Variants in BAHCC1 observed in about 807,000 individuals in gnomAD.
BAHCC1 encodes the protein BAH and coiled-coil domain-containing protein 1.
A neutral mutation model predicts 88.2 loss-of-function variants in BAHCC1; 43 were observed. The observed-to-expected ratio is 0.49, with a 90% confidence interval of 0.38 to 0.63. BAHCC1 has a LOEUF of 0.63. Among genes scored for constraint, BAHCC1 ranks in the 20% least tolerant of loss-of-function variants. The pLI, the probability that BAHCC1 is intolerant of heterozygous loss-of-function variation, is 0.00. For missense variants in BAHCC1, 3,023 were observed against 1,654.8 expected (o/e 1.83, Z -14.34); for synonymous variants, 1,510 against 745.5 (o/e 2.03, Z -16.71).
chr17:81,399,258 C>T lies in BAHCC1; in HGVS notation c.-206-276C>T, dbSNP rs782172817. The T allele has an allele frequency of 1.5e-5, 6 of 394,078 alleles. No homozygotes were observed. The highest frequency in any genetic ancestry group is 1.0e-4 in the South Asian group (6 of 58,222). The allele number at this position is 394,078 out of a possible 1,614,324, so 24.4% of individuals were successfully genotyped here. A position where few individuals can be genotyped will look rare whatever the true frequency, so the allele number is the denominator to read the frequency against. ...CTGCAGGGACCCGCGGGGACGAGAA[C>T]GGGAGGCGGCGAGCAGTGCGGCTGG... On this transcript the variant is annotated intron_variant, in intron 1 of 27. Coordinates refer to ENST00000675386, the MANE Select transcript of BAHCC1 (RefSeq NM_001377448.1). This position sits in a 1 kb window ranked among gnomAD's most constrained non-coding sequence, Gnocchi z 4.5.
rs781841606 is a variant in BAHCC1, at chr17:81,452,759, G to A, written c.4353G>A (p.Gly1451=). The change falls in exon 14 of 28, where the codon GGG becomes GGA. Residue 1451 remains glycine (G), a synonymous_variant. Transcript: ENST00000675386. ...GTTCACGGAGCCCTGCACGGCGGGGGCCTGGCCGGCCGAGGAAGCGCAAAC... is the reference window on the plus strand; with the variant it reads ...GTTCACGGAGCCCTGCACGGCGGGGACCTGGCCGGCCGAGGAAGCGCAAAC... ...DESSRSPARR[G]PGRPRKRKHS... 10 of 746,420 alleles carry A rather than the reference G, an allele frequency of 1.3e-5. No homozygotes were observed. The highest frequency in any genetic ancestry group is 1.4e-5 in the South Asian group (1 of 70,590). 46.2% of individuals were successfully genotyped at this position (746,420 alleles called of 1,614,324 possible).
intron 3 of BAHCC1, among the ~76,000 whole-genome samples, chr17:81,427,791 C>T (rs2064217600): frequency 1.3e-5 from 2 of 152,220 alleles, no homozygotes; most frequent in African/African-American, 4.8e-5. Flanking sequence ...ACAGGGCTCT[C>T]CGCTCCTGGC....
intron 3 of BAHCC1, among the ~76,000 whole-genome samples, chr17:81,432,144 C>T (rs891831431): frequency 3.6e-4 from 55 of 152,310 alleles, no homozygotes; most frequent in African/African-American, 1.3e-3. Flanking sequence ...AGCAACTTCC[C>T]TCCCGTGTCC....
At chr17:81,410,642 C>T (rs1049962362) in intron 2 of BAHCC1, among the ~76,000 whole-genome samples, 2 of 152,210 alleles carry the variant, frequency 1.3e-5, no homozygotes, top group Admixed American at 6.5e-5. Flanking sequence ...GCAGTGCAGA[C>T]GCTCTGGACC....
Position 81,411,091 on chromosome 17 carries a change from G to A in BAHCC1, c.178+11174G>A, listed in dbSNP as rs781889907. ...GAGGGGTCCCTCTCTCTGGGGTCAC[G>A]CTCCCTTGTTCTCAGTCCCGCAGCC... On this transcript the variant is annotated intron_variant, in intron 2 of 27. Coordinates refer to ENST00000675386, the MANE Select transcript of BAHCC1 (RefSeq NM_001377448.1). The surrounding 1 kb of genome is among the most constrained non-coding windows in gnomAD (Gnocchi z 6.2). 7.7e-6 allele frequency: 4 copies of A among 519,232 alleles called. No homozygotes were observed. Among genetic ancestry groups the A allele is most frequent in the African/African-American group, 3.9e-5 (2 of 51,906 alleles). The allele number at this position is 519,232 out of a possible 1,614,324, so 32.2% of individuals were successfully genotyped here. A position where few individuals can be genotyped will look rare whatever the true frequency, so the allele number is the denominator to read the frequency against.
At chr17:81,433,093 T>C (rs1172865604) in intron 3 of BAHCC1, among the ~76,000 whole-genome samples, 1 of 150,762 alleles carries the variant, frequency 6.6e-6, no homozygotes, top group Admixed American at 6.6e-5. Context: ...GAGGCAGCTG[T>C]GGGTCACCAC....
At position 81,461,650 on chromosome 17, in the gene BAHCC1, A is replaced by G; in HGVS notation, c.6987A>G (p.Ser2329=). ...CTGGCTCGTCCACCTCCTCCTCCTC[A>G]GGCTCCGTGTCCACCTCCAGCCTCT... ...SSSGSSTSSS[S]GSVSTSSLCS... is the part of the protein sequence containing the mutation. Residue 2329 remains serine (S), a synonymous_variant, in exon 26 of 28, where the codon TCA becomes TCG. Coordinates refer to ENST00000675386, the MANE Select transcript of BAHCC1 (RefSeq NM_001377448.1). The G allele has an allele frequency of 1.4e-6, 1 of 735,384 alleles. No homozygotes were observed. 45.6% of individuals were successfully genotyped at this position (735,384 alleles called of 1,614,324 possible).
intron 10 of BAHCC1, among the ~76,000 whole-genome samples, chr17:81,446,098 G>C (rs1555654262): frequency 6.6e-6 from 1 of 151,876 alleles, no homozygotes; most frequent in Non-Finnish European, 1.5e-5. Context: ...GGGTGGGGGG[G>C]TCTCGGGCCT....
intron 14 of BAHCC1, among the ~76,000 whole-genome samples, chr17:81,453,254 G>A (rs1191767837): frequency 2.0e-5 from 3 of 152,198 alleles, no homozygotes; most frequent in Admixed American, 6.5e-5. Context: ...CACGGCTGCC[G>A]GCGCGATGTT....
chr17:81,403,056 AAG>A (rs1274328954), intron 2 of BAHCC1: 3 of 152,186 alleles, frequency 2.0e-5, no homozygotes, highest in African/African-American at 7.2e-5. Flanking sequence ...GGGGGGAGAA[AAG>A]AGAAATCAAC....
chr17:81,461,316 C>G lies in BAHCC1; in HGVS notation c.6653C>G (p.Pro2218Arg), dbSNP rs782182542. Reference protein sequence around the residue: ...VKLDHEGVTSPKNKTCKALLM... With the variant: ...VKLDHEGVTSRKNKTCKALLM... ...CTGGACCACGAGGGTGTGACCTCCC[C>G]CAAGAACAAGACCTGCAAGGCGTTG... Residue 2218 changes from proline (P) to arginine (R), a missense_variant, in exon 26 of 28, where the codon CCC (proline) becomes CGC (arginine). Coordinates refer to ENST00000675386, the MANE Select transcript of BAHCC1 (RefSeq NM_001377448.1). 1.4e-6 allele frequency: 1 copy of G among 724,222 alleles called. No homozygotes were observed. The highest frequency in any genetic ancestry group is 2.5e-6 in the Non-Finnish European group (1 of 393,120). The allele number at this position is 724,222 out of a possible 1,614,324, so 44.9% of individuals were successfully genotyped here. A position where few individuals can be genotyped will look rare whatever the true frequency, so the allele number is the denominator to read the frequency against.
intron 2 of BAHCC1, chr17:81,400,814 C>G (rs782175260): frequency 2.6e-5 from 4 of 154,480 alleles, no homozygotes; most frequent in African/African-American, 9.6e-5. Context: ...GCCCTCTTCC[C>G]GGTGGCTTTG....
At chr17:81,407,029 C>T (rs2063889539) in intron 2 of BAHCC1, 1 of 455,104 alleles carries the variant, frequency 2.2e-6, no homozygotes, top group Non-Finnish European at 4.4e-6. Flanking sequence ...CCCTAGGATC[C>T]CCCAAGAAAA....
rs1377958921 is a variant in BAHCC1, at chr17:81,399,687, C to T, written c.-53C>T. 3.0e-6 allele frequency: 3 copies of T among 989,916 alleles called. No individual in the cohort carries two copies. Among genetic ancestry groups the T allele is most frequent in the East Asian group, 1.1e-4 (1 of 9,360 alleles). The allele number at this position is 989,916 out of a possible 1,614,324, so 61.3% of individuals were successfully genotyped here. On this transcript the variant is annotated 5_prime_UTR_variant, in exon 2 of 28. Transcript: ENST00000675386. The surrounding 1 kb of genome is among the most constrained non-coding windows in gnomAD (Gnocchi z 4.5). ...GCCCGCGCGCCGAGCCGCCCCCGGGCCCCGGCCGCGCTGCTCCGAGGAAGC... is the reference window on the plus strand; with the variant it reads ...GCCCGCGCGCCGAGCCGCCCCCGGGTCCCGGCCGCGCTGCTCCGAGGAAGC...
chr17:81,422,886 G>T (rs1237566069), intron 2 of BAHCC1: 1 of 336,936 alleles, frequency 3.0e-6, no homozygotes, highest in Non-Finnish European at 5.8e-6. Flanking sequence ...GCGAGGCAGC[G>T]GCAAGCTTCC....
At position 81,443,178 on chromosome 17, in the gene BAHCC1, G is replaced by A. The variant is rs2064456638; in HGVS notation, c.1829G>A (p.Gly610Asp). The A allele has an allele frequency of 3.9e-6, 3 of 779,012 alleles. No homozygotes were observed. Among genetic ancestry groups the A allele is most frequent in the Non-Finnish European group, 7.2e-6 (3 of 417,768 alleles). The allele number at this position is 779,012 out of a possible 1,614,324, so 48.3% of individuals were successfully genotyped here. The change falls in exon 5 of 28, where the codon GGC (glycine) becomes GAC (aspartate). Residue 610 changes from glycine (G) to aspartate (D), a missense_variant. Coordinates refer to ENST00000675386, the MANE Select transcript of BAHCC1 (RefSeq NM_001377448.1). ...RKAGAYLDPF[G>D]SGLQQAALLP... ...GCTGGCGCCTACCTGGACCCCTTTG[G>A]CAGTGGCCTGCAGCAGGCGGCTCTT...
At position 81,411,434 on chromosome 17, in the gene BAHCC1, G is replaced by A; in HGVS notation, c.178+11517G>A. Reference sequence around the variant, plus strand: ...CAAATTGATCAGGGAGGGTGGGGTTGGGGGGGAACAGGGTCCTTGAGGTCG... The same window carrying A: ...CAAATTGATCAGGGAGGGTGGGGTTAGGGGGGAACAGGGTCCTTGAGGTCG... On this transcript the variant is annotated intron_variant, in intron 2 of 27. Coordinates refer to ENST00000675386, the MANE Select transcript of BAHCC1 (RefSeq NM_001377448.1). This position sits in a 1 kb window ranked among gnomAD's most constrained non-coding sequence, Gnocchi z 6.2. The A allele has an allele frequency of 2.8e-6, 1 of 357,790 alleles. No individual in the cohort carries two copies. The highest frequency in any genetic ancestry group is 2.1e-5 in the African/African-American group (1 of 46,692). 22.2% of individuals were successfully genotyped at this position (357,790 alleles called of 1,614,324 possible).
At chr17:81,423,571 C>T (rs1568006255) in intron 2 of BAHCC1, among the ~76,000 whole-genome samples, 1 of 152,102 alleles carries the variant, frequency 6.6e-6, no homozygotes, top group Non-Finnish European at 1.5e-5. Flanking sequence ...CCCCCCGCCC[C>T]AGGTTCCTGG....
At chr17:81,458,549 C>T (rs2029942403) in intron 18 of BAHCC1, 72 bp from the exon 19 acceptor site, 1 of 685,424 alleles carries the variant, frequency 1.5e-6, no homozygotes, top group South Asian at 1.5e-5. Context: ...CGCACGCTGG[C>T]CCCTGAGCTC....
Sources: gnomAD v4.1 joint callset for allele counts (sites outside exome capture counted in the v4.1 genomes callset) on GRCh38, gnomAD v4.1.1 for gene constraint, Gnocchi (gnomAD v3.1) non-coding constraint, MANE v1.5 for transcripts, NCBI Gene and HGNC (gene_info 2026-07-23, HGNC 2026-07-21) for gene names.